PRKCZ: variants seen among roughly 807,000 people sequenced by gnomAD.
The protein encoded by PRKCZ is protein kinase C zeta.
A neutral mutation model predicts 79.5 loss-of-function variants in PRKCZ; 33 were observed. That is an observed-to-expected ratio of 0.41 (90% CI 0.31 to 0.55). PRKCZ has a LOEUF of 0.55. Ranked by LOEUF, PRKCZ falls within the 20% of genes least tolerant of loss-of-function variation. PRKCZ has a pLI of 0.19. For synonymous variants in PRKCZ, 342 were observed against 320.9 expected (o/e 1.07, Z -0.70); for missense variants, 578 against 813.5 (o/e 0.71, Z 3.52).
intron 4 of PRKCZ, among the ~76,000 whole-genome samples, chr1:2,093,159 G>A (rs183432989): frequency 6.6e-6 from 1 of 152,236 alleles, no homozygotes; most frequent in African/African-American, 2.4e-5. Context: ...CCTGGCGGGA[G>A]AGGAGGCAGA....
intron 9 of PRKCZ, among the ~76,000 whole-genome samples, chr1:2,155,263 G>T (rs1262434693): frequency 6.7e-6 from 1 of 149,478 alleles, no homozygotes; most frequent in African/African-American, 2.5e-5. Context: ...ATGACATTGA[G>T]GATGACGGTG....
intron 4 of PRKCZ, chr1:2,071,485 C>T (rs1197641135): frequency 5.0e-6 from 1 of 200,286 alleles, no homozygotes; most frequent in African/African-American, 2.4e-5. Context: ...CCTGTGATTC[C>T]CTGGTATTTA....
rs1197130968 is a variant in PRKCZ, at chr1:2,092,105, C to T, written c.334+32514C>T. 5.3e-5 allele frequency among the ~76,000 whole-genome samples: 8 copies of T among 152,304 alleles called. No homozygotes were observed. The South Asian group carries it at 6.2e-4, about 12-fold the overall frequency. ...TGAGACAGGAGGGACCGGCAGGCAT[C>T]GCGCTTCTCCCCTAGATACTCCGGC... is the stretch of plus-strand genomic sequence containing the variant. On this transcript the variant is annotated intron_variant, in intron 4 of 17. Coordinates refer to ENST00000378567, the MANE Select transcript of PRKCZ (RefSeq NM_002744.6).
chr1:2,103,175 C>G (rs1422068747), intron 4 of PRKCZ, among the ~76,000 whole-genome samples: 1 of 152,074 alleles, frequency 6.6e-6, no homozygotes, highest in Non-Finnish European at 1.5e-5. Flanking sequence ...TTTTGGGGGG[C>G]AAGAATTGTA....
rs566299305 is a variant in PRKCZ, at chr1:2,128,241, G to A, written c.335-7021G>A. 2.2e-4 allele frequency among the ~76,000 whole-genome samples: 33 copies of A among 152,328 alleles called. No individual in the cohort carries two copies. In the East Asian group the frequency reaches 3.3e-3, roughly 15 times the overall value. On this transcript the variant is annotated intron_variant, in intron 4 of 17. Coordinates refer to ENST00000378567, the MANE Select transcript of PRKCZ (RefSeq NM_002744.6). This position sits in a 1 kb window ranked among gnomAD's most constrained non-coding sequence, Gnocchi z 6.5. ...CTGCATGTGGCTTGACCACTGCCTT[G>A]CACCCATCCGGGCCCCGCAGGGCCG...
chr1:2,156,904 A>C (rs1183297450), intron 10 of PRKCZ, among the ~76,000 whole-genome samples: 1 of 152,234 alleles, frequency 6.6e-6, no homozygotes, highest in Non-Finnish European at 1.5e-5. Context: ...CCTGAGAAAC[A>C]GAACCAGTTG....
chr1:2,144,937 A>T (rs376622080), intron 6 of PRKCZ: 7 of 153,030 alleles, frequency 4.6e-5, no homozygotes, highest in East Asian at 1.9e-4. Context: ...CTGAACATTC[A>T]ACTCCCTGGG....
At chr1:2,160,508 G>A (rs1291806368) in intron 10 of PRKCZ, among the ~76,000 whole-genome samples, 1 of 152,188 alleles carries the variant, frequency 6.6e-6, no homozygotes, top group African/African-American at 2.4e-5. Flanking sequence ...GTGTGTCAGG[G>A]ACAGAAGAGA....
chr1:2,092,030 A>G (rs773265173), intron 4 of PRKCZ, among the ~76,000 whole-genome samples: 1 of 151,976 alleles, frequency 6.6e-6, no homozygotes, highest in Non-Finnish European at 1.5e-5. Context: ...CCGTGTCCCC[A>G]GGAGCCGGTG....
Position 2,185,100 on chromosome 1 carries a change from C to T in PRKCZ, c.*91C>T. 1 of 1,273,488 alleles carries T rather than the reference C, an allele frequency of 7.9e-7. No homozygotes were observed. Among genetic ancestry groups the T allele is most frequent in the East Asian group, 2.5e-5 (1 of 39,932 alleles). The allele number at this position is 1,273,488 out of a possible 1,614,324, so 78.9% of individuals were successfully genotyped here. A position where few individuals can be genotyped will look rare whatever the true frequency, so the allele number is the denominator to read the frequency against. ...TATGCATGCCAGGCTGGGCACGGCT[C>T]CGAGGGCGGCCAGGGACAGACGCTT... On this transcript the variant is annotated 3_prime_UTR_variant, in exon 18 of 18. Transcript: ENST00000378567.
chr1:2,092,112 C>T (rs1188362519), intron 4 of PRKCZ, among the ~76,000 whole-genome samples: 2 of 152,190 alleles, frequency 1.3e-5, no homozygotes, highest in Non-Finnish European at 2.9e-5. Context: ...CATCGCGCTT[C>T]TCCCCTAGAT....
intron 4 of PRKCZ, among the ~76,000 whole-genome samples, chr1:2,102,396 A>C (rs545615817): frequency 2.6e-5 from 4 of 151,226 alleles, no homozygotes; most frequent in African/African-American, 9.7e-5. Context: ...GCAGTGGTGC[A>C]ATCTTGGCTC....
At position 2,156,418 on chromosome 1, in the gene PRKCZ, C is replaced by T. The variant is rs144721149; in HGVS notation, c.974+326C>T. The T allele has an allele frequency of 4.0e-4, 105 of 259,758 alleles. 2 individuals are homozygous for T. Among genetic ancestry groups the T allele is most frequent in the African/African-American group, 2.1e-3 (97 of 45,796 alleles). The allele number at this position is 259,758 out of a possible 1,614,324, so 16.1% of individuals were successfully genotyped here. ...GCTTATTAAAATATGTACAGCTTCA[C>T]CTTCAAGCTTTATATATACTGGAAT... is the stretch of plus-strand genomic sequence containing the variant. On this transcript the variant is annotated intron_variant, in intron 10 of 17. Transcript: ENST00000378567.
chr1:2,148,956 C>A, intron 8 of PRKCZ, 32 bp downstream of exon 8: 1 of 1,604,494 alleles, frequency 6.2e-7, no homozygotes, highest in South Asian at 1.1e-5. Context: ...CTGCCATTTC[C>A]GACGTCCTCT....
At chr1:2,102,627 C>T (rs563366546) in intron 4 of PRKCZ, among the ~76,000 whole-genome samples, 10 of 152,194 alleles carry the variant, frequency 6.6e-5, no homozygotes, top group South Asian at 2.1e-4. Flanking sequence ...CCACCGTGCC[C>T]GGCCCTCGTT....
Position 2,093,379 on chromosome 1 carries a change from G to T in PRKCZ, c.334+33788G>T, listed in dbSNP as rs142157969. 8.8e-3 allele frequency among the ~76,000 whole-genome samples: 1,338 copies of T among 152,224 alleles called. 33 individuals are homozygous for T. The highest frequency in any genetic ancestry group is 0.03 in the African/African-American group (1,260 of 41,496). On this transcript the variant is annotated intron_variant, in intron 4 of 17. Coordinates refer to ENST00000378567, the MANE Select transcript of PRKCZ (RefSeq NM_002744.6). ...CCGCCCTGGGGCAGGTCAGACCGCC[G>T]GGGTGTGGAGTGGGGTGCTTGCCTT...
At chr1:2,145,901 A>G in intron 6 of PRKCZ, 126 bp from the exon 7 acceptor site, 1 of 758,190 alleles carries the variant, frequency 1.3e-6, no homozygotes, top group Non-Finnish European at 2.2e-6. Context: ...GGATGATGAC[A>G]GACTGTGACC....
At chr1:2,148,274 A>G (rs949753620) in intron 7 of PRKCZ, among the ~76,000 whole-genome samples, 1 of 149,152 alleles carries the variant, frequency 6.7e-6, no homozygotes, top group African/African-American at 2.5e-5. Flanking sequence ...CCATCTATCC[A>G]TCTATTGTCC....
intron 9 of PRKCZ, among the ~76,000 whole-genome samples, chr1:2,151,571 TGCTGAGCTGCC>T (rs1428462653): frequency 1.3e-5 from 2 of 152,224 alleles, no homozygotes; most frequent in East Asian, 3.8e-4. Context: ...TTGCAGTACA[TGCTGAGCTGCC>T]GTGGCTCTGT....
Sources: allele counts gnomAD v4.1 joint callset (sites outside exome capture counted in the v4.1 genomes callset), GRCh38; gene constraint gnomAD v4.1.1; non-coding constraint Gnocchi (gnomAD v3.1); transcripts MANE v1.5; gene names NCBI Gene and HGNC (gene_info 2026-07-23, HGNC 2026-07-21).